SEC14L4: variants seen among roughly 807,000 people sequenced by gnomAD.
The protein encoded by SEC14L4 is SEC14-like protein 4.
In SEC14L4, 42 loss-of-function variants were observed where a neutral mutation model predicts 55.1. The observed-to-expected ratio is 0.76, with a 90% CI of 0.60 to 0.99. SEC14L4 has a LOEUF of 0.99. SEC14L4 is among the 50% of genes least tolerant of loss of function. SEC14L4 has a pLI of 0.00. For missense variants in SEC14L4, 445 were observed against 512.1 expected, an observed-to-expected ratio of 0.87 and a Z score of 1.27; for synonymous variants, 206 against 206.8, an observed-to-expected ratio of 1.00 and a Z score of 0.03.
chr22:30,504,111 G>A (rs1457875300), intron 1 of SEC14L4, among the ~76,000 whole-genome samples: 4 of 151,130 alleles, frequency 2.6e-5, no homozygotes, highest in South Asian at 2.1e-4. Context: ...AAGCTGGAGC[G>A]TAGTTGCGTG....
chr22:30,504,246 G>A (rs1018985727), intron 1 of SEC14L4, among the ~76,000 whole-genome samples: 1 of 151,914 alleles, frequency 6.6e-6, no homozygotes, highest in African/African-American at 2.4e-5. Flanking sequence ...GTAGAGATGG[G>A]ATCTTGCTAT....
rs115178857 is a variant in SEC14L4 at position 30,491,681 on chromosome 22, C to T, written c.973G>A (p.Gly325Arg). The stretch of plus-strand genomic sequence containing the variant: ...ATCTCCCTAGCACTCTGCTGCTCCC[C>T]CATCTTGGTCTTCAGGAAAACCCCA... ...GFGVFLKTKM[G>R]EQQSAREMTE... The change falls in exon 11 of 12, where the codon GGG (glycine) becomes AGG (arginine). Residue 325 changes from glycine (G) to arginine (R), a missense_variant. Coordinates refer to ENST00000255858, the MANE Select transcript of SEC14L4 (RefSeq NM_174977.4). 6.2e-7 allele frequency: 1 copy of T among 1,614,162 alleles called. No individual in the cohort carries two copies. The highest frequency in any genetic ancestry group is 1.1e-5 in the South Asian group (1 of 91,088).
At chr22:30,495,871 C>T (rs1936132970) in intron 3 of SEC14L4, 57 bp downstream of exon 3, 4 of 1,595,558 alleles carry the variant, frequency 2.5e-6, no homozygotes, top group Non-Finnish European at 3.4e-6. Flanking sequence ...CCTTTTGCAG[C>T]AAATCCCTGG....
In SEC14L4 at chr22:30,490,008, C is replaced by G. The variant is rs1334277139; in HGVS notation, c.*99G>C. On this transcript the variant is annotated 3_prime_UTR_variant, in exon 12 of 12. Coordinates refer to ENST00000255858, the MANE Select transcript of SEC14L4 (RefSeq NM_174977.4). ...AAATGGTGACGTGGGACAAGTGGCT[C>G]TCTGCAGCCACCTCCAGCACCACCC... 1 of 1,568,722 alleles carries G rather than the reference C, an allele frequency of 6.4e-7. No individual in the cohort carries two copies. Among genetic ancestry groups the G allele is most frequent in the Non-Finnish European group, 8.7e-7 (1 of 1,155,910 alleles).
intron 7 of SEC14L4, 75 bp from the exon 8 acceptor site, chr22:30,492,632 G>T: frequency 2.6e-6 from 3 of 1,162,670 alleles, no homozygotes; most frequent in Non-Finnish European, 3.9e-6. Context: ...CCAAGAGCAG[G>T]TGCTGGACAG....
In SEC14L4 at chr22:30,503,711, A is replaced by C. The variant is rs1160158633; in HGVS notation, c.96T>G (p.Asn32Lys). ...AGCGCAGGAGGAAGTAGTCATCAGCATTGGGCAGTATGGGCAGCAGGTCCT... is the reference window on the plus strand; with the variant it reads ...AGCGCAGGAGGAAGTAGTCATCAGCCTTGGGCAGTATGGGCAGCAGGTCCT... ...NLQDLLPILP[N>K]ADDYFLLRWL... Residue 32 changes from asparagine (N) to lysine (K), a missense_variant, in exon 2 of 12, where the codon AAT becomes AAG. By Grantham distance (94) the Asn-to-Lys change is moderately conservative (BLOSUM62 0). Transcript: ENST00000255858. 1 of 1,612,530 alleles carries C rather than the reference A, an allele frequency of 6.2e-7. No individual in the cohort carries two copies. Among genetic ancestry groups the C allele is most frequent in the Non-Finnish European group, 8.5e-7 (1 of 1,179,002 alleles).
At chr22:30,503,832 A>T (rs1936411283) in intron 1 of SEC14L4, 80 bp from the exon 2 acceptor site, 1 of 1,059,846 alleles carries the variant, frequency 9.4e-7, no homozygotes, top group African/African-American at 1.6e-5. Flanking sequence ...CCCTTCCCAC[A>T]TCATCCACCA....
At position 30,491,849 on chromosome 22, in the gene SEC14L4, G is replaced by C. The variant is rs754072544; in HGVS notation, c.896C>G (p.Pro299Arg). The C allele has an allele frequency of 2.5e-6, 4 of 1,611,936 alleles. No individual in the cohort carries two copies. Among genetic ancestry groups the C allele is most frequent in the Non-Finnish European group, 3.4e-6 (4 of 1,179,338 alleles). The change falls in exon 10 of 12, where the codon CCG becomes CGG. Residue 299 changes from proline (P) to arginine (R), a missense_variant. Pro to Arg is a moderately radical substitution (Grantham distance 103). Coordinates refer to ENST00000255858, the MANE Select transcript of SEC14L4 (RefSeq NM_174977.4). ...CCATCCCTACCTGAGCACACAGCCC[G>C]GGAACAGGATCTCGTTCTCCACCTG... is the stretch of plus-strand genomic sequence containing the variant. ...SLQVENEILF[P>R]GCVLRWQFAS...
intron 2 of SEC14L4, among the ~76,000 whole-genome samples, chr22:30,501,872 T>TATAC (rs1373518518): frequency 1.4e-5 from 2 of 142,370 alleles, no homozygotes; most frequent in Non-Finnish European, 3.0e-5. Flanking sequence ...TATATATATA[T>TATAC]ATACATACAC....
At position 30,505,661 on chromosome 22, in the gene SEC14L4, G is replaced by A. The variant is rs1601862548; in HGVS notation, c.-50C>T. 2.7e-6 allele frequency: 4 copies of A among 1,494,104 alleles called. No homozygotes were observed. Among genetic ancestry groups the A allele is most frequent in the East Asian group, 2.5e-5 (1 of 40,534 alleles). 92.6% of individuals were successfully genotyped at this position (1,494,104 alleles called of 1,614,324 possible). A position where few individuals can be genotyped will look rare whatever the true frequency, so the allele number is the denominator to read the frequency against. On this transcript the variant is annotated 5_prime_UTR_variant, in exon 1 of 12. Coordinates refer to ENST00000255858, the MANE Select transcript of SEC14L4 (RefSeq NM_174977.4). ...CAGGGCGCAGGTCCGCCCGCCCGCC[G>A]CCGCCTGGCCTTGTATCCGCTGCCG... is the stretch of plus-strand genomic sequence containing the variant.
Position 30,491,653 on chromosome 22 carries a change from G to A in SEC14L4, c.1001C>T (p.Thr334Met), listed in dbSNP as rs757455217. 2.7e-5 allele frequency: 44 copies of A among 1,614,042 alleles called. No homozygotes were observed. Among genetic ancestry groups the A allele is most frequent in the East Asian group, 4.5e-5 (2 of 44,894 alleles). The change falls in exon 11 of 12, where the codon ACG becomes ATG. Residue 334 changes from threonine (T) to methionine (M), a missense_variant. Transcript: ENST00000255858. Reference protein sequence around the residue: ...MGEQQSAREMTEVLPSQRYNA... With the variant: ...MGEQQSAREMMEVLPSQRYNA... ...GTAGCGCTGGCTGGGCAGCACCTCC[G>A]TCATCTCCCTAGCACTCTGCTGCTC...
Position 30,503,739 on chromosome 22 carries a change from A to C in SEC14L4, c.68T>G (p.Leu23Arg). ...GGGCAGTATGGGCAGCAGGTCCTGGAGGTTCTCCCGGAACTGAGCGGAGGA... is the reference window on the plus strand; with the variant it reads ...GGGCAGTATGGGCAGCAGGTCCTGGCGGTTCTCCCGGAACTGAGCGGAGGA... ...QEALARFRENLQDLLPILPNA... is the reference protein window; with the variant it reads ...QEALARFRENRQDLLPILPNA... Residue 23 changes from leucine (L) to arginine (R), a missense_variant, in exon 2 of 12, where the codon CTC becomes CGC. Leu to Arg is a moderately radical substitution (Grantham distance 102). Transcript: ENST00000255858. 1 of 1,611,968 alleles carries C rather than the reference A, an allele frequency of 6.2e-7. No homozygotes were observed. Among genetic ancestry groups the C allele is most frequent in the Admixed American group, 1.7e-5 (1 of 59,954 alleles).
In SEC14L4 at chr22:30,489,673, C is replaced by T. The variant is rs552262937; in HGVS notation, c.*434G>A. On this transcript the variant is annotated 3_prime_UTR_variant, in exon 12 of 12. Coordinates refer to ENST00000255858, the MANE Select transcript of SEC14L4 (RefSeq NM_174977.4). ...CTGCTGACCTCCTACATGCAGAGAA[C>T]AGGGCTTCTCTGCTCTTCAGGCCTG... 3 of 630,984 alleles carry T rather than the reference C, an allele frequency of 4.8e-6. No individual in the cohort carries two copies. The East Asian group carries it at 8.2e-5, about 17-fold the overall frequency. 39.1% of individuals were successfully genotyped at this position (630,984 alleles called of 1,614,324 possible).
chr22:30,495,249 C>A lies in SEC14L4; in HGVS notation c.423+5G>T. 1 of 1,603,166 alleles carries A rather than the reference C, an allele frequency of 6.2e-7. No homozygotes were observed. Among genetic ancestry groups the A allele is most frequent in the South Asian group, 1.1e-5 (1 of 89,226 alleles). On this transcript the variant is annotated splice_donor_5th_base_variant and intron_variant, in intron 5 of 11. Coordinates refer to ENST00000255858, the MANE Select transcript of SEC14L4 (RefSeq NM_174977.4). ...ATGAGGCCCAGCCCCACCCCCGCTG[C>A]TCACCTTCTGAGTTTGCAGCTCACA... is the stretch of plus-strand genomic sequence containing the variant.
chr22:30,500,513 T>C (rs901232268), intron 2 of SEC14L4, among the ~76,000 whole-genome samples: 1 of 152,016 alleles, frequency 6.6e-6, no homozygotes, highest in Non-Finnish European at 1.5e-5. Context: ...ACTACAAGCA[T>C]GCACCAACAC....
intron 3 of SEC14L4, 48 bp downstream of exon 3, chr22:30,495,880 G>C (rs374520802): frequency 1.5e-5 from 24 of 1,599,168 alleles, no homozygotes; most frequent in Middle Eastern, 1.7e-4. Context: ...GCAAATCCCT[G>C]GGTCACAGTG....
chr22:30,490,296 G>A, intron 11 of SEC14L4, 50 bp from the exon 12 acceptor site: 1 of 1,604,888 alleles, frequency 6.2e-7, no homozygotes, highest in Non-Finnish European at 8.5e-7. Flanking sequence ...CACATCTGCA[G>A]GAAGAGCCAG....
At chr22:30,495,181 AG>A in intron 5 of SEC14L4, 72 bp downstream of exon 5, 1 of 1,396,490 alleles carries the variant, frequency 7.2e-7, no homozygotes, top group Non-Finnish European at 9.6e-7. Context: ...GGGGAGGGGC[AG>A]GGTGCCACCC....
At position 30,491,935 on chromosome 22, in the gene SEC14L4, C is replaced by T; in HGVS notation, c.810G>A (p.Leu270=). The T allele has an allele frequency of 2.5e-6, 4 of 1,614,040 alleles. No homozygotes were observed. The highest frequency in any genetic ancestry group is 3.4e-6 in the Non-Finnish European group (4 of 1,180,012). Residue 270 remains leucine (L), a synonymous_variant, in exon 10 of 12, where the codon CTG becomes CTA. Transcript: ENST00000255858. ...YGGEVPKSYY[L]CEQVRLQYEH... is the part of the protein sequence containing the mutation. ...CATACTGCAGCCTCACCTGCTCGCA[C>T]AGGTAGTAGCTCTTGGGCACCTCAC...
Sources: gnomAD v4.1 joint callset for allele counts (sites outside exome capture counted in the v4.1 genomes callset) on GRCh38, gnomAD v4.1.1 for gene constraint, MANE v1.5 for transcripts, NCBI Gene and HGNC (gene_info 2026-07-23, HGNC 2026-07-21) for gene names.